DZANK1: variants seen among roughly 807,000 people sequenced by gnomAD.
DZANK1 encodes the protein double zinc ribbon and ankyrin repeat-containing protein 1.
DZANK1 carries 91 observed loss-of-function variants against 94.5 expected under a neutral mutation model. The ratio of observed to expected loss-of-function variants is 0.96; its 90% confidence interval spans 0.81 to 1.15. DZANK1 has a LOEUF of 1.15. Among genes scored for constraint, DZANK1 ranks in the 50% most tolerant of loss-of-function variants. The pLI is 0.00. For synonymous variants in DZANK1, 312 were observed against 325.3 expected (o/e 0.96, Z 0.44); for missense variants, 903 against 916.4 (o/e 0.99, Z 0.19).
At chr20:18,384,382 C>A (rs2048351693) in exon 21 of DZANK1, 1 of 1,600,444 alleles carries the variant, frequency 6.2e-7, no homozygotes, top group Non-Finnish European at 8.5e-7. Context: ...AAATGAAGTC[C>A]CGTGGAGGCC....
At chr20:18,410,984 A>G (rs4814746) in intron 13 of DZANK1, among the ~76,000 whole-genome samples, 17,541 of 152,134 alleles carry the variant, frequency 0.12, 1,582 homozygotes, top group East Asian at 0.53. Context: ...AAGGTACACC[A>G]AACTTATGGG....
chr20:18,400,476 G>GCA (rs2056611917), intron 13 of DZANK1, among the ~76,000 whole-genome samples: 1 of 152,182 alleles, frequency 6.6e-6, no homozygotes, highest in African/African-American at 2.4e-5. Context: ...ACCTGTGTAC[G>GCA]GATAGGCAGC....
At chr20:18,446,154 A>G (rs1427154124) in intron 7 of DZANK1, among the ~76,000 whole-genome samples, 1 of 152,006 alleles carries the variant, frequency 6.6e-6, no homozygotes, top group African/African-American at 2.4e-5. Flanking sequence ...CTGAGGCAGG[A>G]GGATGCCTTG....
At chr20:18,385,802 A>G (rs1231718656) in intron 19 of DZANK1, among the ~76,000 whole-genome samples, 1 of 152,108 alleles carries the variant, frequency 6.6e-6, no homozygotes, top group Admixed American at 6.6e-5. Flanking sequence ...TTGGGCTTAC[A>G]TGATATGAAA....
At chr20:18,451,107 G>C (rs774379810) in intron 6 of DZANK1, among the ~76,000 whole-genome samples, 16 of 152,030 alleles carry the variant, frequency 1.1e-4, no homozygotes, top group Non-Finnish European at 2.4e-4. Context: ...CACTATGCCT[G>C]GCTAATTTTT....
intron 8 of DZANK1, among the ~76,000 whole-genome samples, chr20:18,440,640 G>T (rs1004900965): frequency 3.3e-5 from 5 of 152,136 alleles, no homozygotes; most frequent in Admixed American, 2.6e-4. Flanking sequence ...CCTGTGAGGA[G>T]AATAAACATC....
rs147705000 is a variant in DZANK1 at position 18,425,114 on chromosome 20, A to G, written c.954+1953T>C. On this transcript the variant is annotated intron_variant, in intron 10 of 20. Transcript: ENST00000262547. Reference sequence around the variant, plus strand: ...CATTGTGGTGGTAGTTAAAATGGCTATATATAATTACCAACATTCATCAAA... The same window carrying G: ...CATTGTGGTGGTAGTTAAAATGGCTGTATATAATTACCAACATTCATCAAA... Among the ~76,000 whole-genome samples, 362 of 152,320 alleles carry G rather than the reference A, an allele frequency of 2.4e-3. 5 individuals carry two copies. Among genetic ancestry groups the G allele is most frequent in the Admixed American group, 0.02 (304 of 15,298 alleles).
At chr20:18,414,493 C>T in exon 12 of DZANK1, 1 of 1,611,124 alleles carries the variant, frequency 6.2e-7, no homozygotes. Flanking sequence ...GCAAACAGAA[C>T]AGCCAGCAGG....
chr20:18,448,999 T>G, exon 7 of DZANK1: 1 of 1,613,642 alleles, frequency 6.2e-7, no homozygotes, highest in South Asian at 1.1e-5. Flanking sequence ...AAAGTCTGTC[T>G]CCCTTTGAAT....
intron 6 of DZANK1, among the ~76,000 whole-genome samples, chr20:18,452,221 C>G (rs2059128424): frequency 6.6e-6 from 1 of 152,084 alleles, no homozygotes; most frequent in Non-Finnish European, 1.5e-5. Context: ...ATACTCTGGC[C>G]CCAGCCACCT....
chr20:18,401,332 G>A (rs544707347), intron 13 of DZANK1, among the ~76,000 whole-genome samples: 3 of 152,316 alleles, frequency 2.0e-5, no homozygotes, highest in South Asian at 2.1e-4. Context: ...TTGTAAGACT[G>A]TGAGTCCCCA....
intron 10 of DZANK1, among the ~76,000 whole-genome samples, chr20:18,422,692 G>A (rs996106076): frequency 6.6e-6 from 1 of 151,576 alleles, no homozygotes; most frequent in African/African-American, 2.4e-5. Flanking sequence ...CCAAAGTCCA[G>A]AAAACCTAAA....
At chr20:18,436,260 A>G (rs190784153) in intron 8 of DZANK1, among the ~76,000 whole-genome samples, 15 of 152,286 alleles carry the variant, frequency 9.8e-5, no homozygotes, top group Admixed American at 9.2e-4. Context: ...GAATTCAGTC[A>G]AAGCCTGGAG....
intron 2 of DZANK1, among the ~76,000 whole-genome samples, chr20:18,464,911 G>A (rs1440578770): frequency 6.6e-6 from 1 of 151,898 alleles, no homozygotes; most frequent in Admixed American, 6.6e-5. Context: ...CTGACCTCAA[G>A]TGATCCACCT....
intron 10 of DZANK1, 107 bp from the exon 11 acceptor site, chr20:18,415,556 T>TA: frequency 8.1e-7 from 1 of 1,229,424 alleles, no homozygotes; most frequent in Non-Finnish European, 1.0e-6. Flanking sequence ...GCCCCGGAAA[T>TA]AGTGTTTTTT....
chr20:18,418,197 A>G (rs929803561), intron 10 of DZANK1, among the ~76,000 whole-genome samples: 14 of 152,124 alleles, frequency 9.2e-5, no homozygotes, highest in African/African-American at 3.1e-4. Context: ...GTCAGTTCCC[A>G]TCGTCACAGT....
chr20:18,425,275 G>A (rs1280904695), intron 10 of DZANK1, among the ~76,000 whole-genome samples: 2 of 152,218 alleles, frequency 1.3e-5, no homozygotes, highest in African/African-American at 4.8e-5. Flanking sequence ...TCTTGTCAGA[G>A]GGCGCAGTGG....
intron 17 of DZANK1, among the ~76,000 whole-genome samples, chr20:18,391,223 A>G (rs976027748): frequency 2.0e-5 from 3 of 152,094 alleles, no homozygotes; most frequent in Admixed American, 1.3e-4. Flanking sequence ...AAAAGCTCTC[A>G]GCAATTTCAA....
chr20:18,427,083 A>T (rs1436267315), exon 10 of DZANK1: 3 of 1,610,928 alleles, frequency 1.9e-6, no homozygotes. Context: ...TGATGAAGGC[A>T]GGGCCCCCTC....
Sources: allele counts gnomAD v4.1 joint callset (sites outside exome capture counted in the v4.1 genomes callset), GRCh38; gene constraint gnomAD v4.1.1; transcripts MANE v1.5; gene names NCBI Gene and HGNC (gene_info 2026-07-23, HGNC 2026-07-21).